The following HERC4 variants were observed in gnomAD, a reference collection of about 807,000 sequenced individuals.
HERC4 encodes HECT and RLD domain containing E3 ubiquitin protein ligase 4, also known as probable E3 ubiquitin-protein ligase HERC4.
Under a neutral mutation model 124.3 loss-of-function variants are expected in HERC4, and 28 were observed. The observed-to-expected ratio is 0.23, with a 90% confidence interval of 0.17 to 0.31. The LOEUF (loss-of-function observed/expected upper bound fraction) is 0.31, where lower values mean the gene tolerates loss of function less well. Ranked by LOEUF, HERC4 falls within the 10% of genes least tolerant of loss-of-function variation. The probability of loss-of-function intolerance (pLI) is 1.00; values close to 1 mark genes in which losing one functional copy is unlikely to be tolerated. For synonymous variants in HERC4, 407 were observed against 421.5 expected (o/e 0.97, Z 0.42); for missense variants, 713 against 1,229.3 (o/e 0.58, Z 6.28).
At chr10:68,046,936 C>A (rs2133537914) in intron 3 of HERC4, among the ~76,000 whole-genome samples, 1 of 152,024 alleles carries the variant, frequency 6.6e-6, no homozygotes, top group African/African-American at 2.4e-5. Context: ...CCTTCATGGG[C>A]TATAGAGGGA....
chr10:67,924,623 AGAG>A (rs1379459967), intron 24 of HERC4, among the ~76,000 whole-genome samples: 2 of 152,210 alleles, frequency 1.3e-5, no homozygotes, highest in Non-Finnish European at 2.9e-5. Context: ...ACTGTAATCT[AGAG>A]AAGATTTAAA....
intron 19 of HERC4, 93 bp from the exon 20 acceptor site, chr10:67,941,198 G>T: frequency 2.3e-6 from 2 of 857,730 alleles, no homozygotes; most frequent in Non-Finnish European, 3.4e-6. Flanking sequence ...CAATTTTGAA[G>T]ATAGAGAAAA....
At chr10:67,951,223 A>G (rs528366105) in intron 19 of HERC4, among the ~76,000 whole-genome samples, 3 of 152,220 alleles carry the variant, frequency 2.0e-5, no homozygotes, top group African/African-American at 4.8e-5. Context: ...ACAGCCCCCA[A>G]CCTCATATGC....
At chr10:67,924,738 A>C (rs118079156) in intron 24 of HERC4, among the ~76,000 whole-genome samples, 1,598 of 152,324 alleles carry the variant, frequency 0.01, 15 homozygotes, top group Non-Finnish European at 0.018. Flanking sequence ...AGGTCTTGGA[A>C]TCAATCCCCC....
intron 4 of HERC4, among the ~76,000 whole-genome samples, chr10:68,043,074 TAAATTTTATACATAATA>T (rs1343353275): frequency 6.6e-6 from 1 of 152,190 alleles, no homozygotes; most frequent in African/African-American, 2.4e-5. Context: ...AACCCTCATA[TAAATTTTATACATAATA>T]AAATTCTCTC....
In HERC4 at chr10:68,064,577, AG is replaced by A. The variant is rs1184262850; in HGVS notation, c.226+8305del. Among the ~76,000 whole-genome samples the A allele has an allele frequency of 5.8e-3, 802 of 137,702 alleles. 6 individuals are homozygous for A. Among genetic ancestry groups the A allele is most frequent in the African/African-American group, 0.02 (735 of 37,682 alleles). 90.3% of individuals were successfully genotyped at this position (137,702 alleles called of 152,430 possible). On this transcript the variant is annotated intron_variant, in intron 3 of 24. Transcript: ENST00000373700. ...TTCTCTCTCAAAAAAAAAAAAAAAA[AG>A]AGAGAGAGAGAAAAAAAGAAAAAGA...
chr10:67,963,711 A>G (rs2034672458), intron 16 of HERC4, among the ~76,000 whole-genome samples: 1 of 152,228 alleles, frequency 6.6e-6, no homozygotes, highest in Non-Finnish European at 1.5e-5. Context: ...AAACACTGCT[A>G]AAAGACCTAG....
intron 3 of HERC4, among the ~76,000 whole-genome samples, chr10:68,064,936 A>C (rs188253509): frequency 2.6e-3 from 396 of 151,116 alleles, no homozygotes; most frequent in Non-Finnish European, 3.9e-3. Context: ...CGCGCCATGC[A>C]CTCCAGCTTG....
At chr10:68,025,206 G>A (rs978405628) in intron 8 of HERC4, among the ~76,000 whole-genome samples, 5 of 151,784 alleles carry the variant, frequency 3.3e-5, no homozygotes, top group African/African-American at 1.2e-4. Flanking sequence ...CTGGGTGACA[G>A]AGCAAGACTC....
intron 4 of HERC4, chr10:68,039,468 C>T: frequency 1.3e-6 from 2 of 1,550,876 alleles, no homozygotes; most frequent in Non-Finnish European, 1.7e-6. Context: ...AGAGTCGACA[C>T]ACATGATTTT....
At chr10:68,070,104 C>T in intron 3 of HERC4, 1 of 985,004 alleles carries the variant, frequency 1.0e-6, no homozygotes. Flanking sequence ...ATGTTTATTA[C>T]ATTGTCCCAG....
At chr10:68,035,651 T>C (rs1332436531) in intron 5 of HERC4, among the ~76,000 whole-genome samples, 2 of 152,370 alleles carry the variant, frequency 1.3e-5, no homozygotes, top group African/African-American at 4.8e-5. Flanking sequence ...TATAAGGTGC[T>C]GTATGATCTA....
chr10:67,988,894 A>C, intron 14 of HERC4, 59 bp from the exon 15 acceptor site: 1 of 1,367,418 alleles, frequency 7.3e-7, no homozygotes, highest in Non-Finnish European at 1.0e-6. Flanking sequence ...CACAATTTTC[A>C]AAATCATACT....
chr10:68,069,123 A>C, intron 3 of HERC4: 8 of 973,322 alleles, frequency 8.2e-6, no homozygotes, highest in Non-Finnish European at 9.8e-6. Context: ...ACCAAATTAT[A>C]CCTATGATTA....
At chr10:67,990,840 G>A (rs17533917) in intron 13 of HERC4, 64 bp downstream of exon 13, 66,141 of 970,824 alleles carry the variant, frequency 0.068, 2,747 homozygotes, top group Non-Finnish European at 0.082. Context: ...GGCTATAAAC[G>A]TATAAAACAA....
chr10:67,966,018 A>C (rs566387813), intron 16 of HERC4: 2 of 152,388 alleles, frequency 1.3e-5, no homozygotes, highest in Admixed American at 1.3e-4. Flanking sequence ...TTTATATTAA[A>C]AATCTGAAAT....
intron 22 of HERC4, among the ~76,000 whole-genome samples, chr10:67,933,384 A>G (rs2032027776): frequency 1.3e-5 from 2 of 152,184 alleles, no homozygotes. Context: ...CTCTTATGAT[A>G]CAAAACGAAA....
chr10:67,994,158 T>C (rs1366765496), intron 9 of HERC4: 1 of 152,180 alleles, frequency 6.6e-6, no homozygotes, highest in Non-Finnish European at 1.5e-5. Context: ...AAAAACAAGT[T>C]TTAAGAATAG....
At chr10:67,927,419 TA>T (rs58694858) in intron 23 of HERC4, among the ~76,000 whole-genome samples, 546 of 12,168 alleles carry the variant, frequency 0.045, 24 homozygotes, top group Non-Finnish European at 0.063. Flanking sequence ...TATATATATA[TA>T]TATATATATA....
Sources: gnomAD v4.1 joint callset for allele counts (sites outside exome capture counted in the v4.1 genomes callset) on GRCh38, gnomAD v4.1.1 for gene constraint, MANE v1.5 for transcripts, NCBI Gene and HGNC (gene_info 2026-07-23, HGNC 2026-07-21) for gene names.